ZFPM1: variants seen among roughly 807,000 people sequenced by gnomAD.
ZFPM1 encodes the protein zinc finger protein, FOG family member 1.
In ZFPM1, 28 loss-of-function variants were observed where a neutral mutation model predicts 46.3. That is an observed-to-expected ratio of 0.60 (90% CI 0.45 to 0.83). The LOEUF is 0.83. ZFPM1 is among the 40% of genes least tolerant of loss of function. The pLI is 0.00. For missense variants in ZFPM1, 1,878 were observed against 1,432.4 expected, an observed-to-expected ratio of 1.31 and a Z score of -5.02; for synonymous variants, 957 against 675.9, an observed-to-expected ratio of 1.42 and a Z score of -6.45.
intron 5 of ZFPM1, among the ~76,000 whole-genome samples, chr16:88,527,333 G>A (rs981169264): frequency 2.0e-5 from 3 of 152,216 alleles, no homozygotes; most frequent in South Asian, 2.1e-4. Context: ...CTCCAGGAAC[G>A]GTCAAGGTGG....
intron 1 of ZFPM1, 58 bp downstream of exon 1, chr16:88,453,736 C>G: frequency 9.6e-7 from 1 of 1,038,296 alleles, no homozygotes; most frequent in African/African-American, 1.7e-5. Context: ...CGGAGCCCAG[C>G]CGCCAGCGCC....
rs528502159 is a variant in ZFPM1 at position 88,490,387 on chromosome 16, A to G, written c.268+1234A>G. ...ATTGAGTGCCTGCTGTGTGCCAGGC[A>G]TATAGCCGGGAGCAGATGGCCGATG... is the stretch of plus-strand genomic sequence containing the variant. On this transcript the variant is annotated intron_variant, in intron 3 of 9. Transcript: ENST00000319555. Among the ~76,000 whole-genome samples the G allele has an allele frequency of 3.3e-5, 5 of 152,366 alleles. No homozygotes were observed. In the South Asian group the frequency reaches 6.2e-4, roughly 19 times the overall value.
chr16:88,526,725 C>T (rs1912353434), intron 4 of ZFPM1, 89 bp from the exon 5 acceptor site: 9 of 1,389,716 alleles, frequency 6.5e-6, no homozygotes, highest in South Asian at 2.6e-5. Context: ...GAGGCAGATC[C>T]GTGTCACAGA....
rs1908884296 is a variant in ZFPM1 at position 88,480,507 on chromosome 16, C to T, written c.41-5432C>T. Among the ~76,000 whole-genome samples, 1 of 152,184 alleles carries T rather than the reference C, an allele frequency of 6.6e-6. No homozygotes were observed. The highest frequency in any genetic ancestry group is 2.1e-4 in the South Asian group (1 of 4,834). ...CAGTGGTCACCCGCCCCACCAGCTG[C>T]TCACATGGGGCCTGGGCAGGCACCT... On this transcript the variant is annotated intron_variant, in intron 1 of 9. Coordinates refer to ENST00000319555, the MANE Select transcript of ZFPM1 (RefSeq NM_153813.3). The surrounding 1 kb of genome is among the most constrained non-coding windows in gnomAD (Gnocchi z 4.9).
Position 88,533,805 on chromosome 16 carries a change from A to T in ZFPM1, c.1847A>T (p.Lys616Met). 8.8e-7 allele frequency: 1 copy of T among 1,134,178 alleles called. No individual in the cohort carries two copies. Among genetic ancestry groups the T allele is most frequent in the East Asian group, 5.4e-5 (1 of 18,634 alleles). 70.3% of individuals were successfully genotyped at this position (1,134,178 alleles called of 1,614,324 possible). The change falls in exon 10 of 10, where the codon AAG becomes ATG. Residue 616 changes from lysine to methionine, a missense_variant. Coordinates refer to ENST00000319555, the MANE Select transcript of ZFPM1 (RefSeq NM_153813.3). Reference sequence around the variant, plus strand: ...GACGCGCCTGCCGCGCGCAGGCCCAAGGCGCCCCCCGGCCCGGCCCGCGCG... The same window carrying T: ...GACGCGCCTGCCGCGCGCAGGCCCATGGCGCCCCCCGGCCCGGCCCGCGCG... ...PEDAPAARRP[K>M]APPGPARAPP...
rs751432041 is a variant in ZFPM1 at position 88,461,105 on chromosome 16, GC to G, written c.40+7430del. 2.9e-3 allele frequency among the ~76,000 whole-genome samples: 276 copies of G among 96,760 alleles called. 51 individuals carry two copies. The highest frequency in any genetic ancestry group is 6.7e-3 in the East Asian group (20 of 2,966). 63.5% of individuals were successfully genotyped at this position (96,760 alleles called of 152,430 possible). Reference sequence around the variant, plus strand: ...TCTGGTGAGGACCAAGGGGCAGGAGGCCCTGGTGAGGACCCAGGGATGGGGC... The same window carrying G: ...TCTGGTGAGGACCAAGGGGCAGGAGGCCTGGTGAGGACCCAGGGATGGGGC... On this transcript the variant is annotated intron_variant, in intron 1 of 9. Transcript: ENST00000319555.
At chr16:88,513,503 G>A (rs1245625436) in intron 3 of ZFPM1, among the ~76,000 whole-genome samples, 1 of 152,224 alleles carries the variant, frequency 6.6e-6, no homozygotes, top group Non-Finnish European at 1.5e-5. Flanking sequence ...GGCCTCTGTG[G>A]GCCCAGGCAG....
In ZFPM1 at chr16:88,532,006, C is replaced by A; in HGVS notation, c.717C>A (p.Asp239Glu). ...CGCCTGCTTCCCACCCCACAGAAGA[C>A]GTCTTCCCCTGCAAGGACTGTGGCA... ...SILATAVINK[D>E]VFPCKDCGIW... The change falls in exon 7 of 10, where the codon GAC becomes GAA. Residue 239 changes from aspartate to glutamate, a missense_variant. Coordinates refer to ENST00000319555, the MANE Select transcript of ZFPM1 (RefSeq NM_153813.3). 1 of 1,599,904 alleles carries A rather than the reference C, an allele frequency of 6.3e-7. No homozygotes were observed. The highest frequency in any genetic ancestry group is 8.5e-7 in the Non-Finnish European group (1 of 1,170,766).
intron 3 of ZFPM1, among the ~76,000 whole-genome samples, chr16:88,490,823 C>T (rs1909523108): frequency 6.6e-6 from 1 of 152,200 alleles, no homozygotes. Flanking sequence ...GCTCCCCCTG[C>T]TGTCCCCCAG....
chr16:88,505,495 C>T (rs887595146), intron 3 of ZFPM1, among the ~76,000 whole-genome samples: 5 of 152,200 alleles, frequency 3.3e-5, no homozygotes. Context: ...AAGACCTCTG[C>T]CCCCTGGTGC....
intron 1 of ZFPM1, among the ~76,000 whole-genome samples, chr16:88,481,293 C>A (rs544411645): frequency 3.2e-4 from 48 of 152,272 alleles, no homozygotes; most frequent in African/African-American, 1.1e-3. Context: ...GGCAATGGGG[C>A]TGACATCACC....
intron 1 of ZFPM1, among the ~76,000 whole-genome samples, chr16:88,477,397 G>A (rs773329446): frequency 2.0e-5 from 3 of 152,268 alleles, no homozygotes; most frequent in Non-Finnish European, 2.9e-5. Context: ...GACTGGGCCA[G>A]GTGGGGCCCT....
intron 1 of ZFPM1, among the ~76,000 whole-genome samples, chr16:88,467,191 A>G (rs577205175): frequency 1.1e-3 from 172 of 152,202 alleles, no homozygotes; most frequent in Non-Finnish European, 1.9e-3. Flanking sequence ...TGTCCCTGTG[A>G]TCCAAGAGTC....
At position 88,534,767 on chromosome 16, in the gene ZFPM1, G is replaced by A; in HGVS notation, c.2809G>A (p.Ala937Thr). ...EPPPGPPPSP[A>T]AAPEAVPPPP... ...GCCGCCCGGCCCGCCCCCGTCCCCG[G>A]CCGCCGCGCCCGAGGCCGTGCCGCC... Residue 937 changes from alanine to threonine, a missense_variant, in exon 10 of 10, where the codon GCC becomes ACC. By Grantham distance (58) the Ala-to-Thr change is moderately conservative. Transcript: ENST00000319555. The A allele has an allele frequency of 8.7e-7, 1 of 1,146,764 alleles. No individual in the cohort carries two copies. The highest frequency in any genetic ancestry group is 1.1e-6 in the Non-Finnish European group (1 of 933,280). The allele number at this position is 1,146,764 out of a possible 1,614,324, so 71.0% of individuals were successfully genotyped here.
At chr16:88,495,420 C>A (rs2142390007) in intron 3 of ZFPM1, among the ~76,000 whole-genome samples, 1 of 152,356 alleles carries the variant, frequency 6.6e-6, no homozygotes, top group African/African-American at 2.4e-5. Flanking sequence ...TCGCCCAGGG[C>A]TACCTGGGGC....
rs1434088156 is a variant in ZFPM1 at position 88,536,592 on chromosome 16, A to G, written c.*1613A>G. ...CAGAAGCCCGAGGCACTTCCCAGCC[A>G]GTCCAGGGCTCGCTCTCCTGCCCGC... On this transcript the variant is annotated 3_prime_UTR_variant, in exon 10 of 10. Transcript: ENST00000319555. 6.6e-6 allele frequency: 1 copy of G among 152,258 alleles called. No homozygotes were observed. Among genetic ancestry groups the G allele is most frequent in the East Asian group, 1.9e-4 (1 of 5,208 alleles). 9.4% of individuals were successfully genotyped at this position (152,258 alleles called of 1,614,324 possible). A position where few individuals can be genotyped will look rare whatever the true frequency, so the allele number is the denominator to read the frequency against.
chr16:88,505,652 C>T (rs147829105), intron 3 of ZFPM1, among the ~76,000 whole-genome samples: 1 of 152,288 alleles, frequency 6.6e-6, no homozygotes, highest in Non-Finnish European at 1.5e-5. Context: ...CTGGCATCTA[C>T]CATTCCCTGG....
intron 1 of ZFPM1, among the ~76,000 whole-genome samples, chr16:88,483,895 G>A (rs947911849): frequency 2.0e-5 from 3 of 152,206 alleles, no homozygotes; most frequent in Non-Finnish European, 4.4e-5. Flanking sequence ...ATGGAACGGC[G>A]GGGTCAGCCT....
intron 1 of ZFPM1, among the ~76,000 whole-genome samples, chr16:88,482,086 G>T (rs1187405308): frequency 6.6e-6 from 1 of 152,212 alleles, no homozygotes; most frequent in Non-Finnish European, 1.5e-5. Context: ...CTGGCCGTGG[G>T]TTGGCCTGCT....
Sources: allele counts gnomAD v4.1 joint callset (sites outside exome capture counted in the v4.1 genomes callset), GRCh38; gene constraint gnomAD v4.1.1; non-coding constraint Gnocchi (gnomAD v3.1); transcripts MANE v1.5; gene names NCBI Gene and HGNC (gene_info 2026-07-23, HGNC 2026-07-21).